The following KCNB2 variants were observed in gnomAD, a reference collection of about 807,000 sequenced individuals.
The protein encoded by KCNB2 is potassium voltage-gated channel subfamily B member 2.
In KCNB2, 15 loss-of-function variants were observed where a neutral mutation model predicts 61.5. The observed-to-expected ratio is 0.24, with a 90% confidence interval of 0.16 to 0.38. The LOEUF (loss-of-function observed/expected upper bound fraction) is 0.38, where lower values mean the gene tolerates loss of function less well. KCNB2 is among the 10% of genes least tolerant of loss of function. The pLI is 1.00. For missense variants in KCNB2, 828 were observed against 1,125.2 expected (o/e 0.74, Z 3.78); for synonymous variants, 457 against 446.0 (o/e 1.02, Z -0.31).
intron 2 of KCNB2, among the ~76,000 whole-genome samples, chr8:72,798,700 T>G (rs1471166558): frequency 6.6e-6 from 1 of 152,160 alleles, no homozygotes; most frequent in Non-Finnish European, 1.5e-5. Flanking sequence ...TTCTATTTCC[T>G]TACTTCATCA....
chr8:72,923,903 A>C (rs950614050), intron 2 of KCNB2, among the ~76,000 whole-genome samples: 1 of 152,212 alleles, frequency 6.6e-6, no homozygotes, highest in East Asian at 1.9e-4. Flanking sequence ...ATTTATACTG[A>C]AATGTCTAAC....
At chr8:72,555,534 A>C (rs1032794194) in intron 1 of KCNB2, among the ~76,000 whole-genome samples, 3 of 151,866 alleles carry the variant, frequency 2.0e-5, no homozygotes, top group African/African-American at 7.2e-5. Flanking sequence ...TGCAGCTTGC[A>C]AAGCTGAAAA....
intron 2 of KCNB2, among the ~76,000 whole-genome samples, chr8:72,795,173 A>G (rs1044775296): frequency 2.0e-5 from 3 of 152,238 alleles, no homozygotes; most frequent in Admixed American, 6.5e-5. Flanking sequence ...AAGCATATGG[A>G]TCACATTTCT....
chr8:72,561,749 A>ACG (rs1806529286), intron 1 of KCNB2, among the ~76,000 whole-genome samples: 2 of 28,150 alleles, frequency 7.1e-5, no homozygotes, highest in African/African-American at 2.5e-4. Context: ...ATATATATGT[A>ACG]TATATATATA....
At chr8:72,717,909 CCT>C (rs1807473742) in intron 2 of KCNB2, among the ~76,000 whole-genome samples, 1 of 151,962 alleles carries the variant, frequency 6.6e-6, no homozygotes, top group Non-Finnish European at 1.5e-5. Flanking sequence ...TTTGCAACCT[CCT>C]CATCTGACAA....
chr8:72,775,977 A>G (rs893241278), intron 2 of KCNB2, among the ~76,000 whole-genome samples: 1 of 152,178 alleles, frequency 6.6e-6, no homozygotes. Context: ...CACTATTCAC[A>G]ATAGCAAAGA....
At chr8:72,668,247 G>A (rs140845377) in intron 2 of KCNB2, among the ~76,000 whole-genome samples, 161 of 152,176 alleles carry the variant, frequency 1.1e-3, no homozygotes, top group African/African-American at 3.7e-3. Flanking sequence ...TTTTTATTGG[G>A]GATCAGCCAC....
chr8:72,706,541 G>T (rs1807227232), intron 2 of KCNB2, among the ~76,000 whole-genome samples: 2 of 152,268 alleles, frequency 1.3e-5, no homozygotes, highest in South Asian at 4.2e-4. Flanking sequence ...CATGGTGCCA[G>T]GTTTTTCCTC....
intron 2 of KCNB2, among the ~76,000 whole-genome samples, chr8:72,784,918 C>A (rs942927379): frequency 6.6e-6 from 1 of 152,156 alleles, no homozygotes; most frequent in African/African-American, 2.4e-5. Flanking sequence ...GAACCTTAAA[C>A]TTCTGACTAT....
intron 1 of KCNB2, among the ~76,000 whole-genome samples, chr8:72,543,363 A>G (rs968516744): frequency 1.3e-5 from 2 of 152,216 alleles, no homozygotes; most frequent in Admixed American, 6.5e-5. Flanking sequence ...GGATAAGAAG[A>G]TAAGTTCAGA....
At position 72,935,953 on chromosome 8, in the gene KCNB2, A is replaced by G; in HGVS notation, c.598A>G (p.Ile200Val). The G allele has an allele frequency of 6.2e-7, 1 of 1,613,906 alleles. No individual in the cohort carries two copies. The highest frequency in any genetic ancestry group is 8.5e-7 in the Non-Finnish European group (1 of 1,179,852). The part of the protein sequence containing the change: ...VAAKILAIVS[I>V]LFIVLSTIAL... ...TTTCCAGATCCTGGCCATCGTGTCTATCCTGTTCATTGTGCTTTCCACCAT... is the reference window on the plus strand; with the variant it reads ...TTTCCAGATCCTGGCCATCGTGTCTGTCCTGTTCATTGTGCTTTCCACCAT... The change falls in exon 3 of 3, where the codon ATC (isoleucine) becomes GTC (valine). Residue 200 changes from isoleucine to valine, a missense_variant. Around this residue, in one of 4 missense-constraint regions of KCNB2, gnomAD observed 163 missense variants for 314.4 expected, o/e 0.52. Transcript: ENST00000523207.
chr8:72,739,227 C>T (rs1807902410), intron 2 of KCNB2, among the ~76,000 whole-genome samples: 2 of 151,350 alleles, frequency 1.3e-5, no homozygotes, highest in African/African-American at 2.4e-5. Context: ...CCATCTGTCT[C>T]CTCCCAACCC....
At chr8:72,585,657 G>T (rs1045423024) in intron 2 of KCNB2, among the ~76,000 whole-genome samples, 5 of 152,206 alleles carry the variant, frequency 3.3e-5, no homozygotes, top group African/African-American at 1.2e-4. Flanking sequence ...CATGAGCCGT[G>T]ATGCCCAACG....
chr8:72,626,282 C>A (rs1013584992), intron 2 of KCNB2, among the ~76,000 whole-genome samples: 2 of 152,194 alleles, frequency 1.3e-5, no homozygotes, highest in African/African-American at 4.8e-5. Flanking sequence ...CAGTGTCCAG[C>A]AAATTTGAAC....
chr8:72,770,952 C>A (rs570960868), intron 2 of KCNB2, among the ~76,000 whole-genome samples: 154 of 152,294 alleles, frequency 1.0e-3, no homozygotes, highest in Non-Finnish European at 2.0e-3. Flanking sequence ...TTGTATTGCT[C>A]CAAATGATAT....
At chr8:72,703,351 G>A (rs2128991222) in intron 2 of KCNB2, among the ~76,000 whole-genome samples, 1 of 152,344 alleles carries the variant, frequency 6.6e-6, no homozygotes, top group South Asian at 2.1e-4. Context: ...CTCAACACCT[G>A]TGGGAGAACA....
intron 1 of KCNB2, among the ~76,000 whole-genome samples, chr8:72,542,356 C>A (rs2128976484): frequency 6.6e-6 from 1 of 152,122 alleles, no homozygotes; most frequent in African/African-American, 2.4e-5. Flanking sequence ...CTACAATTGG[C>A]TTATTAGATA....
chr8:72,913,986 G>C (rs1029172205), intron 2 of KCNB2, among the ~76,000 whole-genome samples: 1 of 152,162 alleles, frequency 6.6e-6, no homozygotes, highest in Non-Finnish European at 1.5e-5. Flanking sequence ...GTACATTCAG[G>C]CTGCTGCAAC....
In KCNB2 at chr8:72,637,031, A is replaced by G. The variant is rs1357628860; in HGVS notation, c.579+68718A>G. Reference sequence around the variant, plus strand: ...AGTGGTGGTTGATGCTCTTGCCTTGAGTGTAAATTTGCCAAGCAAGCATAT... The same window carrying G: ...AGTGGTGGTTGATGCTCTTGCCTTGGGTGTAAATTTGCCAAGCAAGCATAT... On this transcript the variant is annotated intron_variant, in intron 2 of 2. Coordinates refer to ENST00000523207, the MANE Select transcript of KCNB2 (RefSeq NM_004770.3). Among the ~76,000 whole-genome samples the G allele has an allele frequency of 3.9e-5, 6 of 152,176 alleles. No individual in the cohort carries two copies. In the East Asian group the frequency reaches 1.2e-3, roughly 29 times the overall value.
Sources: gnomAD v4.1 joint callset for allele counts (sites outside exome capture counted in the v4.1 genomes callset) on GRCh38, gnomAD v4.1.1 for gene constraint, gnomAD v4.1.1 regional missense constraint, MANE v1.5 for transcripts, NCBI Gene and HGNC (gene_info 2026-07-23, HGNC 2026-07-21) for gene names.